FAM193A: variants seen among roughly 807,000 people sequenced by gnomAD.
The protein encoded by FAM193A is family with sequence similarity 193 member A.
FAM193A carries 22 observed loss-of-function variants against 126.5 expected under a neutral mutation model. The ratio of observed to expected loss-of-function variants is 0.17; its 90% CI spans 0.12 to 0.25. The LOEUF is 0.25. FAM193A is among the 10% of genes least tolerant of loss of function. The pLI is 1.00. For synonymous variants in FAM193A, 761 were observed against 646.8 expected (o/e 1.18, Z -2.68); for missense variants, 1,675 against 1,672.8 (o/e 1.00, Z -0.02).
chr4:2,709,072 C>T (rs557280061), intron 19 of FAM193A, among the ~76,000 whole-genome samples: 2 of 151,890 alleles, frequency 1.3e-5, no homozygotes, highest in South Asian at 2.1e-4. Flanking sequence ...AAAAAAAATC[C>T]AGCGATTCCT....
intron 13 of FAM193A, among the ~76,000 whole-genome samples, chr4:2,673,531 A>G (rs1260736924): frequency 6.6e-6 from 1 of 152,212 alleles, no homozygotes; most frequent in African/African-American, 2.4e-5. Flanking sequence ...AAATTTTGTT[A>G]GATTGAATAT....
chr4:2,600,687 TC>T (rs1741145248), intron 2 of FAM193A, among the ~76,000 whole-genome samples: 2 of 151,992 alleles, frequency 1.3e-5, no homozygotes, highest in Admixed American at 6.6e-5. Context: ...CTCCTCTCTT[TC>T]CTCTCCAAGG....
At chr4:2,614,425 A>G (rs565789114) in intron 2 of FAM193A, among the ~76,000 whole-genome samples, 17 of 152,320 alleles carry the variant, frequency 1.1e-4, no homozygotes, top group Middle Eastern at 6.8e-3. Flanking sequence ...GTGATTTTCA[A>G]AATGTTGGAA....
intron 19 of FAM193A, among the ~76,000 whole-genome samples, chr4:2,707,318 TACTG>T (rs1395349738): frequency 2.0e-5 from 3 of 152,188 alleles, no homozygotes; most frequent in African/African-American, 4.8e-5. Flanking sequence ...TCACATTTCT[TACTG>T]AGTGTATTTC....
At chr4:2,557,918 C>T (rs1477265717) in intron 1 of FAM193A, among the ~76,000 whole-genome samples, 1 of 151,684 alleles carries the variant, frequency 6.6e-6, no homozygotes, top group African/African-American at 2.4e-5. Flanking sequence ...TGCCACTGCA[C>T]TCCAGCCTGG....
At chr4:2,543,271 T>C (rs1737344150) in intron 1 of FAM193A, among the ~76,000 whole-genome samples, 2 of 151,944 alleles carry the variant, frequency 1.3e-5, no homozygotes, top group Admixed American at 1.3e-4. Flanking sequence ...GTATTTTTAG[T>C]AGAGACAGGG....
At chr4:2,608,239 T>G (rs1023941769) in intron 2 of FAM193A, 1 of 897,474 alleles carries the variant, frequency 1.1e-6, no homozygotes, top group African/African-American at 1.7e-5. Context: ...AGTGCAGTGG[T>G]GCAATCCTGA....
chr4:2,595,919 G>C (rs978532303), intron 1 of FAM193A, among the ~76,000 whole-genome samples, 165 bp from the exon 2 acceptor site: 3 of 152,102 alleles, frequency 2.0e-5, no homozygotes, highest in Non-Finnish European at 4.4e-5. Context: ...AAAGTATTAC[G>C]AGTTTCTAGA....
chr4:2,717,897 AC>A (rs547207547), intron 20 of FAM193A, among the ~76,000 whole-genome samples: 4 of 151,722 alleles, frequency 2.6e-5, no homozygotes, highest in East Asian at 3.9e-4. Context: ...CAGGTGATCC[AC>A]CCCCCCTTGG....
intron 7 of FAM193A, 36 bp downstream of exon 7, chr4:2,646,868 A>G (rs1223459482): frequency 1.3e-6 from 2 of 1,577,768 alleles, no homozygotes; most frequent in African/African-American, 1.4e-5. Flanking sequence ...CCCCGCGCAC[A>G]TCCTCAGACG....
intron 20 of FAM193A, among the ~76,000 whole-genome samples, chr4:2,729,638 A>G (rs999225085): frequency 6.6e-6 from 1 of 152,112 alleles, no homozygotes; most frequent in Non-Finnish European, 1.5e-5. Context: ...GCAGACACAT[A>G]CGGATTCGCC....
At chr4:2,629,107 G>A (rs773497709) in intron 4 of FAM193A, among the ~76,000 whole-genome samples, 7 of 151,826 alleles carry the variant, frequency 4.6e-5, no homozygotes, top group African/African-American at 1.5e-4. Context: ...GATTATAGGC[G>A]TGAGCCACTG....
chr4:2,587,947 G>A (rs981346809), intron 1 of FAM193A, among the ~76,000 whole-genome samples: 1 of 152,150 alleles, frequency 6.6e-6, no homozygotes, highest in African/African-American at 2.4e-5. Flanking sequence ...CTCAAGTGGC[G>A]ACAGGGTGGG....
chr4:2,708,422 G>C (rs888339077), intron 19 of FAM193A, among the ~76,000 whole-genome samples: 1 of 151,924 alleles, frequency 6.6e-6, no homozygotes, highest in Non-Finnish European at 1.5e-5. Flanking sequence ...ACCACGCCCG[G>C]CTGTATGTTA....
Position 2,699,446 on chromosome 4 carries a change from C to CCCACACA in FAM193A, c.3508-233_3508-232insCACACAC, listed in dbSNP as rs748329252. Among the ~76,000 whole-genome samples the CCCACACA allele has an allele frequency of 4.7e-4, 49 of 103,530 alleles. 1 individual carries two copies. Among genetic ancestry groups the CCCACACA allele is most frequent in the African/African-American group, 1.3e-3 (36 of 28,680 alleles). The allele number at this position is 103,530 out of a possible 152,430, so 67.9% of individuals were successfully genotyped here. ...TTTTTGTTAACTACCACCCCCCCCCCCACACACACACACACAAATAAGTAA... is the reference window on the plus strand; with the variant it reads ...TTTTTGTTAACTACCACCCCCCCCCCCCACACACACACACACACACACAAATAAGTAA... On this transcript the variant is annotated intron_variant, in intron 18 of 20. Transcript: ENST00000637812.
intron 2 of FAM193A, among the ~76,000 whole-genome samples, chr4:2,597,903 T>G (rs1275156046): frequency 6.6e-6 from 1 of 151,772 alleles, no homozygotes; most frequent in Non-Finnish European, 1.5e-5. Context: ...TGGTAACCAC[T>G]CACCTGAATT....
chr4:2,628,649 A>G (rs1743215836), intron 4 of FAM193A, among the ~76,000 whole-genome samples: 1 of 152,184 alleles, frequency 6.6e-6, no homozygotes, highest in Admixed American at 6.5e-5. Context: ...ACACAAAAAA[A>G]CAACAAAGTT....
rs35486569 is a variant in FAM193A at position 2,546,159 on chromosome 4, A to AT, written c.255+9002dup. Reference sequence around the variant, plus strand: ...CAAGACTCCGCCTCAAAAAAAAAAAATTTTTTTTTTTTTGTAAAGATGGGG... The same window carrying AT: ...CAAGACTCCGCCTCAAAAAAAAAAAATTTTTTTTTTTTTTGTAAAGATGGGG... On this transcript the variant is annotated intron_variant, in intron 1 of 20. Coordinates refer to ENST00000637812, the MANE Select transcript of FAM193A (RefSeq NM_001366318.2). Among the ~76,000 whole-genome samples, 96 of 147,548 alleles carry AT rather than the reference A, an allele frequency of 6.5e-4. 1 individual carries two copies. The highest frequency in any genetic ancestry group is 1.5e-3 in the South Asian group (7 of 4,648).
Position 2,676,834 on chromosome 4 carries a change from G to A in FAM193A, c.2331+4462G>A, listed in dbSNP as rs552107836. Among the ~76,000 whole-genome samples the A allele has an allele frequency of 5.9e-5, 9 of 152,124 alleles. No homozygotes were observed. The South Asian group carries it at 1.7e-3, about 28-fold the overall frequency. The stretch of plus-strand genomic sequence containing the variant: ...CGGGCACCTGTAGTCTCAGCTACTC[G>A]GGAGGCTGAGGCAGGAAAATGGCGT... On this transcript the variant is annotated intron_variant, in intron 13 of 20. Transcript: ENST00000637812.
Sources: allele counts gnomAD v4.1 joint callset (sites outside exome capture counted in the v4.1 genomes callset), GRCh38; gene constraint gnomAD v4.1.1; transcripts MANE v1.5; gene names NCBI Gene and HGNC (gene_info 2026-07-23, HGNC 2026-07-21).